The following FUT8 variants were observed in gnomAD, a reference collection of about 807,000 sequenced individuals.
FUT8 encodes alpha-(1,6)-fucosyltransferase.
Under a neutral mutation model 71.3 loss-of-function variants are expected in FUT8, and 29 were observed. The observed-to-expected ratio is 0.41, with a 90% CI of 0.30 to 0.55. FUT8 has a LOEUF of 0.55. Among genes scored for constraint, FUT8 ranks in the 20% least tolerant of loss-of-function variants. FUT8 has a pLI of 0.34. For synonymous variants in FUT8, 254 were observed against 239.3 expected (o/e 1.06, Z -0.57); for missense variants, 544 against 702.1 (o/e 0.77, Z 2.55).
In FUT8 at chr14:65,616,196, A is replaced by G. The variant is rs768675915; in HGVS notation, c.320-15A>G. ...AATGTTGGAAATGCTACAACTCTCTATTCTTTGACTACAGGTCTGGGGAAG... is the reference window on the plus strand; with the variant it reads ...AATGTTGGAAATGCTACAACTCTCTGTTCTTTGACTACAGGTCTGGGGAAG... On this transcript the variant is annotated splice_polypyrimidine_tract_variant and intron_variant, in intron 4 of 10. Coordinates refer to ENST00000673929, the MANE Select transcript of FUT8 (RefSeq NM_001371533.1). 1.2e-6 allele frequency: 2 copies of G among 1,600,496 alleles called. No homozygotes were observed. Among genetic ancestry groups the G allele is most frequent in the Non-Finnish European group, 8.5e-7 (1 of 1,174,054 alleles).
chr14:65,504,857 G>T (rs1229799458), intron 2 of FUT8, among the ~76,000 whole-genome samples: 3 of 152,140 alleles, frequency 2.0e-5, no homozygotes, highest in Admixed American at 1.3e-4. Context: ...CAGGAGAATG[G>T]CTTGAACCCA....
At chr14:65,629,905 T>C (rs1213327973) in intron 6 of FUT8, among the ~76,000 whole-genome samples, 2 of 151,820 alleles carry the variant, frequency 1.3e-5, no homozygotes, top group Non-Finnish European at 2.9e-5. Flanking sequence ...GAGAAATAGA[T>C]GAAATGCTTA....
chr14:65,658,552 G>T (rs1356645593), intron 6 of FUT8, among the ~76,000 whole-genome samples: 1 of 152,150 alleles, frequency 6.6e-6, no homozygotes, highest in East Asian at 1.9e-4. Flanking sequence ...TAAATAAACT[G>T]TGATATAATC....
chr14:65,464,684 C>G (rs775722920), intron 2 of FUT8, among the ~76,000 whole-genome samples: 15 of 151,778 alleles, frequency 9.9e-5, no homozygotes, highest in Non-Finnish European at 1.8e-4. Context: ...TTGAACCTAC[C>G]TTGCATACTT....
At chr14:65,728,793 G>A (rs1459211124) in intron 9 of FUT8, among the ~76,000 whole-genome samples, 1 of 152,130 alleles carries the variant, frequency 6.6e-6, no homozygotes, top group African/African-American at 2.4e-5. Flanking sequence ...TATAGCCTAG[G>A]TGGATATATA....
intron 5 of FUT8, among the ~76,000 whole-genome samples, chr14:65,622,624 T>G (rs1485055639): frequency 6.6e-6 from 1 of 152,248 alleles, no homozygotes; most frequent in African/African-American, 2.4e-5. Context: ...GGTGGCATCC[T>G]AAAGTTCCTC....
the FUT8 span, among the ~76,000 whole-genome samples, chr14:65,402,431 G>T: frequency 2.6e-5 from 4 of 152,124 alleles, no homozygotes; most frequent in East Asian, 7.7e-4. Context: ...CACTTTGGGA[G>T]GCCGAGGCGG....
At chr14:65,512,559 G>A in intron 2 of FUT8, among the ~76,000 whole-genome samples, 1 of 152,104 alleles carries the variant, frequency 6.6e-6, no homozygotes, top group East Asian at 1.9e-4. Flanking sequence ...TGTATGACAA[G>A]TTACTGAACG....
At chr14:65,435,095 A>G (rs1391407665) in intron 1 of FUT8, among the ~76,000 whole-genome samples, 1 of 152,198 alleles carries the variant, frequency 6.6e-6, no homozygotes, top group Non-Finnish European at 1.5e-5. Flanking sequence ...AATTAGTTCC[A>G]AAACCCCTTC....
At chr14:65,463,119 C>T (rs2065991615) in intron 2 of FUT8, among the ~76,000 whole-genome samples, 1 of 152,060 alleles carries the variant, frequency 6.6e-6, no homozygotes, top group Non-Finnish European at 1.5e-5. Context: ...AGTAACACTC[C>T]AGCAATACCT....
chr14:65,393,737 G>A, the FUT8 span, among the ~76,000 whole-genome samples: 4 of 152,142 alleles, frequency 2.6e-5, no homozygotes, highest in Non-Finnish European at 5.9e-5. Context: ...ACTAGTCAGG[G>A]CTACTTCTAG....
intron 7 of FUT8, among the ~76,000 whole-genome samples, chr14:65,714,049 T>C (rs1894934837): frequency 6.6e-6 from 1 of 152,216 alleles, no homozygotes; most frequent in Non-Finnish European, 1.5e-5. Flanking sequence ...TTTGTGTATA[T>C]GGTGAGAGAT....
chr14:65,690,627 T>TCA (rs1232175258), intron 7 of FUT8, among the ~76,000 whole-genome samples: 1 of 147,054 alleles, frequency 6.8e-6, no homozygotes, highest in Non-Finnish European at 1.5e-5. Flanking sequence ...TGTCATCCCT[T>TCA]TATCTCTCTC....
rs1243944624 is a variant in FUT8, at chr14:65,616,290, A to G, written c.399A>G (p.Glu133=). Residue 133 remains glutamate, a synonymous_variant, in exon 5 of 11, where the codon GAA becomes GAG. Coordinates refer to ENST00000673929, the MANE Select transcript of FUT8 (RefSeq NM_001371533.1). The part of the protein sequence containing the change: ...AKELWFFLQS[E]LKKLKNLEGN... Reference sequence around the variant, plus strand: ...AGCTCTGGTTTTTCCTACAGAGTGAATTGAAGAAATTAAAGAACTTAGAAG... The same window carrying G: ...AGCTCTGGTTTTTCCTACAGAGTGAGTTGAAGAAATTAAAGAACTTAGAAG... 1.2e-6 allele frequency: 2 copies of G among 1,612,658 alleles called. No individual in the cohort carries two copies. The highest frequency in any genetic ancestry group is 1.7e-6 in the Non-Finnish European group (2 of 1,179,310).
chr14:65,553,799 T>C (rs1885426997), intron 2 of FUT8, among the ~76,000 whole-genome samples: 1 of 151,952 alleles, frequency 6.6e-6, no homozygotes, highest in African/African-American at 2.4e-5. Flanking sequence ...TCATTTTTTT[T>C]TCTCTGTATG....
intron 3 of FUT8, among the ~76,000 whole-genome samples, chr14:65,565,127 G>GA (rs1466774725): frequency 6.6e-6 from 1 of 151,988 alleles, no homozygotes; most frequent in African/African-American, 2.4e-5. Flanking sequence ...CATGATAAGA[G>GA]AGGAAGCAAG....
rs2065179914 is a variant in FUT8, at chr14:65,413,877, G to C, written c.-326+663G>C. On this transcript the variant is annotated intron_variant, in intron 1 of 10. Transcript: ENST00000673929. The surrounding 1 kb of genome is among the most constrained non-coding windows in gnomAD (Gnocchi z 4.1). The stretch of plus-strand genomic sequence containing the variant: ...AGGTTTGTCCTGCAGGATTGAGTGG[G>C]TTGTCGGGTGCAGCACCTGTTCTTT... 6.6e-6 allele frequency among the ~76,000 whole-genome samples: 1 copy of C among 152,174 alleles called. No individual in the cohort carries two copies. Among genetic ancestry groups the C allele is most frequent in the Non-Finnish European group, 1.5e-5 (1 of 68,038 alleles).
chr14:65,707,393 G>C (rs539862877), intron 7 of FUT8, among the ~76,000 whole-genome samples: 1 of 152,218 alleles, frequency 6.6e-6, no homozygotes, highest in African/African-American at 2.4e-5. Context: ...TATTATTATA[G>C]ATATTAGCCC....
At chr14:65,505,171 C>T (rs4902401) in intron 2 of FUT8, among the ~76,000 whole-genome samples, 149,821 of 152,266 alleles carry the variant, frequency 0.98, 73,771 homozygotes, top group Middle Eastern at 1. Context: ...GTTTTACATG[C>T]GTAACCACTT....
Sources: allele counts gnomAD v4.1 joint callset (sites outside exome capture counted in the v4.1 genomes callset), GRCh38; gene constraint gnomAD v4.1.1; non-coding constraint Gnocchi (gnomAD v3.1); transcripts MANE v1.5; gene names NCBI Gene and HGNC (gene_info 2026-07-23, HGNC 2026-07-21).